Variants in RSAD2 observed in about 807,000 individuals in gnomAD.
RSAD2 encodes radical S-adenosyl methionine domain containing 2, also known as S-adenosylmethionine-dependent nucleotide dehydratase RSAD2.
Under a neutral mutation model 37.7 loss-of-function variants are expected in RSAD2, and 38 were observed. The ratio of observed to expected loss-of-function variants is 1.01; its 90% CI spans 0.78 to 1.32. The LOEUF is 1.32. Ranked by LOEUF, RSAD2 falls within the 40% of genes most tolerant of loss-of-function variation. The pLI is 0.00. For synonymous variants in RSAD2, 163 were observed against 157.4 expected, an observed-to-expected ratio of 1.04 and a Z score of -0.27; for missense variants, 428 against 437.5, an observed-to-expected ratio of 0.98 and a Z score of 0.19.
At chr2:6,868,280 AAG>A (rs774407444) in intron 1 of RSAD2, among the ~76,000 whole-genome samples, 3 of 152,200 alleles carry the variant, frequency 2.0e-5, no homozygotes, top group Non-Finnish European at 4.4e-5. Context: ...CACTTTGAAA[AAG>A]AGCTTAGTTT....
chr2:6,868,268 A>G (rs1035998963), intron 1 of RSAD2, among the ~76,000 whole-genome samples: 1 of 152,216 alleles, frequency 6.6e-6, no homozygotes, highest in Non-Finnish European at 1.5e-5. Context: ...ATGAAAAAAT[A>G]ACACTTTGAA....
intron 1 of RSAD2, among the ~76,000 whole-genome samples, chr2:6,872,689 C>G (rs1663220776): frequency 6.6e-6 from 1 of 152,078 alleles, no homozygotes; most frequent in South Asian, 2.1e-4. Flanking sequence ...CTAAGTAAAT[C>G]ATAAGCTGCA....
chr2:6,894,198 C>T (rs1436850219), intron 5 of RSAD2, among the ~76,000 whole-genome samples: 2 of 152,148 alleles, frequency 1.3e-5, no homozygotes, highest in Non-Finnish European at 2.9e-5. Context: ...GCTCCAAACA[C>T]CACTGATATT....
intron 3 of RSAD2, among the ~76,000 whole-genome samples, chr2:6,888,336 A>G (rs1663562849): frequency 6.6e-6 from 1 of 152,186 alleles, no homozygotes; most frequent in African/African-American, 2.4e-5. Flanking sequence ...GGTTACATAT[A>G]TAAGGATATG....
chr2:6,869,545 A>G (rs1663168296), intron 1 of RSAD2, among the ~76,000 whole-genome samples: 1 of 152,224 alleles, frequency 6.6e-6, no homozygotes, highest in Non-Finnish European at 1.5e-5. Flanking sequence ...AGATGTCTGC[A>G]ACCAACATTT....
intron 1 of RSAD2, among the ~76,000 whole-genome samples, chr2:6,880,950 A>C (rs1288925191): frequency 1.3e-5 from 2 of 152,146 alleles, no homozygotes; most frequent in Non-Finnish European, 2.9e-5. Flanking sequence ...ATAGAATTAA[A>C]AATAATGAGC....
chr2:6,891,534 G>GTTA (rs1663628322), intron 4 of RSAD2, among the ~76,000 whole-genome samples: 1 of 152,158 alleles, frequency 6.6e-6, no homozygotes, highest in African/African-American at 2.4e-5. Context: ...TTGGGGGGCT[G>GTTA]AGATGGGCGG....
At chr2:6,882,355 A>G (rs1663422133) in intron 1 of RSAD2, among the ~76,000 whole-genome samples, 1 of 152,212 alleles carries the variant, frequency 6.6e-6, no homozygotes, top group South Asian at 2.1e-4. Context: ...ATGCCTGGAA[A>G]GGAATAGTCA....
chr2:6,868,321 C>T (rs552247381), intron 1 of RSAD2, among the ~76,000 whole-genome samples: 1 of 152,022 alleles, frequency 6.6e-6, no homozygotes, highest in Non-Finnish European at 1.5e-5. Flanking sequence ...AGATATGTTT[C>T]TAGGTAGTTT....
intron 1 of RSAD2, chr2:6,878,890 A>C: frequency 1.7e-6 from 2 of 1,166,290 alleles, no homozygotes; most frequent in Non-Finnish European, 2.3e-6. Context: ...TTTTAACAAA[A>C]GCATAGCATA....
chr2:6,873,792 G>A (rs957091259), upstream of RSAD2, among the ~76,000 whole-genome samples: 3 of 152,104 alleles, frequency 2.0e-5, no homozygotes, highest in African/African-American at 7.2e-5. Flanking sequence ...TAAATGATTA[G>A]GCTTATTTGG....
At chr2:6,883,004 G>A (rs1663445588) in intron 1 of RSAD2, among the ~76,000 whole-genome samples, 1 of 152,244 alleles carries the variant, frequency 6.6e-6, no homozygotes, top group Non-Finnish European at 1.5e-5. Context: ...CAAGGAGTGG[G>A]GATGGGAAAC....
chr2:6,886,332 A>T (rs1208912738), intron 2 of RSAD2, among the ~76,000 whole-genome samples: 1 of 152,198 alleles, frequency 6.6e-6, no homozygotes, highest in Admixed American at 6.5e-5. Flanking sequence ...TTCACATACC[A>T]TGTTGCAAGG....
chr2:6,886,876 A>G (rs1287034684), intron 2 of RSAD2, 59 bp from the exon 3 acceptor site: 3 of 1,275,608 alleles, frequency 2.4e-6, no homozygotes, highest in Non-Finnish European at 3.4e-6. Flanking sequence ...AGAGATCTAA[A>G]TAGCCCAAGG....
chr2:6,875,775 A>G (rs772368858), upstream of RSAD2, among the ~76,000 whole-genome samples: 3 of 152,012 alleles, frequency 2.0e-5, no homozygotes, highest in Non-Finnish European at 2.9e-5. Context: ...ATAATCCAAC[A>G]CTCATGATAA....
chr2:6,890,951 T>C (rs566848513), intron 4 of RSAD2, among the ~76,000 whole-genome samples: 247 of 151,934 alleles, frequency 1.6e-3, no homozygotes, highest in African/African-American at 5.8e-3. Flanking sequence ...GGAAAAAAAA[T>C]CCATTAATAA....
intron 4 of RSAD2, among the ~76,000 whole-genome samples, chr2:6,893,020 T>C (rs971339270): frequency 2.0e-5 from 3 of 152,260 alleles, no homozygotes; most frequent in Non-Finnish European, 2.9e-5. Context: ...GATTTTGGGC[T>C]GCAAAGCACA....
chr2:6,885,173 G>A lies in RSAD2; in HGVS notation c.508+1641G>A, dbSNP rs564190060. Among the ~76,000 whole-genome samples the A allele has an allele frequency of 2.6e-5, 4 of 152,298 alleles. No homozygotes were observed. In the South Asian group the frequency reaches 6.2e-4, roughly 24 times the overall value. On this transcript the variant is annotated intron_variant, in intron 2 of 5. Transcript: ENST00000382040. Reference sequence around the variant, plus strand: ...AAGACATATATCACCAGAGTCCAGAGAGTCCAGACACAGGCTCTGAGTCCT... The same window carrying A: ...AAGACATATATCACCAGAGTCCAGAAAGTCCAGACACAGGCTCTGAGTCCT...
intron 4 of RSAD2, among the ~76,000 whole-genome samples, chr2:6,892,942 T>C (rs2103248958): frequency 6.6e-6 from 1 of 152,370 alleles, no homozygotes. Flanking sequence ...AAGCTGGTTT[T>C]CTGGGTCCAT....
Sources: allele counts gnomAD v4.1 joint callset (sites outside exome capture counted in the v4.1 genomes callset), GRCh38; gene constraint gnomAD v4.1.1; transcripts MANE v1.5; gene names NCBI Gene and HGNC (gene_info 2026-07-23, HGNC 2026-07-21).